Variants in TUSC3 observed in about 807,000 individuals in gnomAD.
The protein encoded by TUSC3 is tumor suppressor candidate 3, also known as dolichyl-diphosphooligosaccharide--protein glycosyltransferase subunit TUSC3.
In TUSC3, 45 loss-of-function variants were observed where a neutral mutation model predicts 44.8. That is an observed-to-expected ratio of 1.00 (90% confidence interval 0.79 to 1.29). The LOEUF (loss-of-function observed/expected upper bound fraction) is 1.29, where lower values mean the gene tolerates loss of function less well. Among genes scored for constraint, TUSC3 ranks in the 50% most tolerant of loss-of-function variants. The pLI is 0.00. For missense variants in TUSC3, 519 were observed against 437.9 expected (o/e 1.19, Z -1.65); for synonymous variants, 212 against 152.9 (o/e 1.39, Z -2.85).
the TUSC3 span, among the ~76,000 whole-genome samples, chr8:15,830,494 G>C: frequency 2.6e-5 from 4 of 152,202 alleles, no homozygotes; most frequent in Middle Eastern, 0.01. Context: ...CAGTAGCAAG[G>C]TCATGTAATC....
At chr8:15,755,813 A>G (rs544016439) in intron 9 of TUSC3, among the ~76,000 whole-genome samples, 122 of 152,292 alleles carry the variant, frequency 8.0e-4, no homozygotes, top group African/African-American at 2.8e-3. Context: ...TTCATTTTAT[A>G]TATTACATGA....
intron 7 of TUSC3, among the ~76,000 whole-genome samples, chr8:15,730,963 G>T (rs1034666604): frequency 4.6e-5 from 7 of 152,008 alleles, no homozygotes; most frequent in East Asian, 1.9e-4. Flanking sequence ...TTGAATTTCA[G>T]AGTATTACTT....
chr8:15,665,309 A>G (rs1485029760), intron 5 of TUSC3, among the ~76,000 whole-genome samples: 2 of 151,570 alleles, frequency 1.3e-5, no homozygotes, highest in African/African-American at 4.8e-5. Flanking sequence ...TCTGGTACAG[A>G]ATCTCTGGCC....
intron 2 of TUSC3, among the ~76,000 whole-genome samples, chr8:15,492,293 T>C (rs1403058916): frequency 6.6e-6 from 1 of 152,226 alleles, no homozygotes; most frequent in Non-Finnish European, 1.5e-5. Flanking sequence ...CTTTCCTGAC[T>C]GACCACCCTC....
intron 1 of TUSC3, among the ~76,000 whole-genome samples, chr8:15,553,871 A>G (rs1299682181): frequency 2.0e-5 from 3 of 151,756 alleles, no homozygotes; most frequent in African/African-American, 7.2e-5. Flanking sequence ...CATTAGCCTT[A>G]TATGGAAATA....
intron 1 of TUSC3, among the ~76,000 whole-genome samples, chr8:15,589,736 A>G (rs998035995): frequency 1.2e-4 from 19 of 152,142 alleles, no homozygotes; most frequent in African/African-American, 4.6e-4. Flanking sequence ...ATTTATAACC[A>G]TTATCATCTT....
intron 2 of TUSC3, among the ~76,000 whole-genome samples, chr8:15,484,773 A>T (rs966348505): frequency 2.6e-5 from 4 of 152,210 alleles, no homozygotes; most frequent in Non-Finnish European, 4.4e-5. Context: ...GAGGGGACAA[A>T]TGTGACAGTT....
chr8:15,769,513 G>A (rs1386801097), downstream of TUSC3, among the ~76,000 whole-genome samples: 1 of 152,140 alleles, frequency 6.6e-6, no homozygotes, highest in Non-Finnish European at 1.5e-5. Context: ...CAGGACACAG[G>A]CATGGACAAA....
intron 1 of TUSC3, among the ~76,000 whole-genome samples, chr8:15,574,414 G>A (rs899218988): frequency 2.0e-5 from 3 of 152,102 alleles, no homozygotes; most frequent in Admixed American, 6.6e-5. Context: ...CTTATTACAT[G>A]TTTTGTTGTC....
chr8:15,475,705 A>C (rs1280114117), intron 1 of TUSC3, among the ~76,000 whole-genome samples: 1 of 152,160 alleles, frequency 6.6e-6, no homozygotes, highest in African/African-American at 2.4e-5. Flanking sequence ...TTATTGGCTT[A>C]AGTGTGTTGT....
At chr8:15,733,079 T>C (rs1326977905) in intron 7 of TUSC3, among the ~76,000 whole-genome samples, 1 of 152,198 alleles carries the variant, frequency 6.6e-6, no homozygotes, top group Non-Finnish European at 1.5e-5. Context: ...GCTCAGTTTC[T>C]GCACACCTGC....
the TUSC3 span, among the ~76,000 whole-genome samples, chr8:15,820,324 T>A: frequency 2.0e-5 from 3 of 150,132 alleles, no homozygotes; most frequent in East Asian, 5.9e-4. Flanking sequence ...TTTTTTTTTT[T>A]TTTTTTGAGA....
At chr8:15,646,135 A>G (rs546587097) in intron 2 of TUSC3, among the ~76,000 whole-genome samples, 1 of 152,262 alleles carries the variant, frequency 6.6e-6, no homozygotes, top group South Asian at 2.1e-4. Flanking sequence ...TCCATCAGCA[A>G]GCATTGTAAG....
chr8:15,794,538 AAAAG>A, the TUSC3 span, among the ~76,000 whole-genome samples: 7 of 152,188 alleles, frequency 4.6e-5, no homozygotes, highest in Middle Eastern at 3.2e-3. Flanking sequence ...GAAGGTAGGT[AAAAG>A]CCATTAGATT....
At chr8:15,527,449 G>A (rs972699832) in intron 2 of TUSC3, among the ~76,000 whole-genome samples, 5 of 152,072 alleles carry the variant, frequency 3.3e-5, no homozygotes, top group African/African-American at 4.8e-5. Flanking sequence ...ACTCCTGACC[G>A]TACGTGATCC....
the TUSC3 span, among the ~76,000 whole-genome samples, chr8:15,776,474 C>T: frequency 6.6e-6 from 1 of 152,082 alleles, no homozygotes; most frequent in Admixed American, 6.6e-5. Flanking sequence ...TTTCAATGTT[C>T]AGCCCTATGT....
At chr8:15,587,948 C>G (rs541544521) in intron 1 of TUSC3, among the ~76,000 whole-genome samples, 26 of 152,132 alleles carry the variant, frequency 1.7e-4, no homozygotes, top group Admixed American at 8.5e-4. Flanking sequence ...GCTACATTTT[C>G]TTTATCCGTT....
chr8:15,521,198 C>A (rs998815315), intron 2 of TUSC3, among the ~76,000 whole-genome samples: 4 of 152,158 alleles, frequency 2.6e-5, no homozygotes, highest in Admixed American at 1.3e-4. Flanking sequence ...TATAATGGAA[C>A]TGTTTTCCTT....
the TUSC3 span, among the ~76,000 whole-genome samples, chr8:15,831,151 C>A: frequency 6.6e-6 from 1 of 152,072 alleles, no homozygotes; most frequent in Admixed American, 6.6e-5. Context: ...ACAAGTCCCC[C>A]AGAATTAGGG....
Sources: gnomAD v4.1 joint callset for allele counts (sites outside exome capture counted in the v4.1 genomes callset) on GRCh38, gnomAD v4.1.1 for gene constraint, MANE v1.5 for transcripts, NCBI Gene and HGNC (gene_info 2026-07-23, HGNC 2026-07-21) for gene names.